The following GRM7 variants were observed in gnomAD, a reference collection of about 807,000 sequenced individuals.
The protein encoded by GRM7 is metabotropic glutamate receptor 7.
GRM7 carries 35 observed loss-of-function variants against 84.5 expected under a neutral mutation model. The ratio of observed to expected loss-of-function variants is 0.41; its 90% CI spans 0.32 to 0.55. The LOEUF is 0.55. Among genes scored for constraint, GRM7 ranks in the 20% least tolerant of loss-of-function variants. The pLI is 0.19. For missense variants in GRM7, 1,003 were observed against 1,194.6 expected (o/e 0.84, Z 2.36); for synonymous variants, 487 against 455.1 (o/e 1.07, Z -0.89).
chr3:7,568,484 G>A (rs764916067), intron 7 of GRM7, among the ~76,000 whole-genome samples: 11 of 152,334 alleles, frequency 7.2e-5, no homozygotes, highest in East Asian at 5.8e-4. Context: ...CGGCCTTGGC[G>A]CCCACTCTGG....
chr3:7,647,729 ATCAACAG>A (rs1019783656), intron 8 of GRM7, among the ~76,000 whole-genome samples: 8 of 152,152 alleles, frequency 5.3e-5, no homozygotes, highest in African/African-American at 1.9e-4. Flanking sequence ...TGGATTTGGA[ATCAACAG>A]TCAACAGACA....
chr3:7,153,922 G>C (rs1031454897), intron 2 of GRM7, among the ~76,000 whole-genome samples: 2 of 152,144 alleles, frequency 1.3e-5, no homozygotes, highest in African/African-American at 4.8e-5. Flanking sequence ...AAAGAAGGTA[G>C]ATCTTAACTA....
At chr3:7,240,423 G>C (rs1697514659) in intron 2 of GRM7, among the ~76,000 whole-genome samples, 1 of 151,480 alleles carries the variant, frequency 6.6e-6, no homozygotes, top group Non-Finnish European at 1.5e-5. Context: ...TTAACCAAAT[G>C]ACTTACGGTT....
At chr3:6,888,858 C>T (rs1214333788) in intron 1 of GRM7, among the ~76,000 whole-genome samples, 3 of 152,116 alleles carry the variant, frequency 2.0e-5, no homozygotes, top group African/African-American at 7.2e-5. Context: ...TTCTTCCTAC[C>T]CATGAGCATG....
intron 7 of GRM7, among the ~76,000 whole-genome samples, chr3:7,483,349 G>T (rs961931767): frequency 1.3e-5 from 2 of 152,206 alleles, no homozygotes; most frequent in African/African-American, 2.4e-5. Context: ...CATGACGGTT[G>T]ATTTGACATG....
At chr3:7,037,993 GT>G (rs1202387657) in intron 1 of GRM7, among the ~76,000 whole-genome samples, 1 of 152,064 alleles carries the variant, frequency 6.6e-6, no homozygotes, top group Non-Finnish European at 1.5e-5. Flanking sequence ...TAAAGAGGTA[GT>G]TTTTTTCTTC....
intron 7 of GRM7, among the ~76,000 whole-genome samples, chr3:7,507,865 A>G (rs1413532327): frequency 6.6e-6 from 1 of 152,210 alleles, no homozygotes; most frequent in Non-Finnish European, 1.5e-5. Context: ...GTCTGAAAAT[A>G]TATACAAGTT....
chr3:6,939,259 G>A (rs1697804434), intron 1 of GRM7, among the ~76,000 whole-genome samples: 1 of 152,044 alleles, frequency 6.6e-6, no homozygotes, highest in Admixed American at 6.6e-5. Context: ...ATATCCAGTT[G>A]TACTCCCTCC....
intron 8 of GRM7, among the ~76,000 whole-genome samples, chr3:7,666,106 G>A (rs951763411): frequency 6.6e-6 from 1 of 152,130 alleles, no homozygotes; most frequent in African/African-American, 2.4e-5. Context: ...AAAAGAGCAG[G>A]CTGCTCTTAG....
intron 7 of GRM7, among the ~76,000 whole-genome samples, chr3:7,532,156 C>T (rs1165176416): frequency 6.6e-6 from 1 of 152,098 alleles, no homozygotes; most frequent in South Asian, 2.1e-4. Flanking sequence ...GGAGGAGTCC[C>T]TCTTTTTCTG....
intron 1 of GRM7, among the ~76,000 whole-genome samples, chr3:7,047,676 C>T (rs1481650714): frequency 1.3e-5 from 2 of 152,014 alleles, no homozygotes; most frequent in East Asian, 3.9e-4. Context: ...AGGAATGTTC[C>T]AGTGTCCTGG....
intron 7 of GRM7, among the ~76,000 whole-genome samples, chr3:7,517,056 G>A (rs1211175943): frequency 1.3e-5 from 2 of 152,094 alleles, no homozygotes; most frequent in African/African-American, 2.4e-5. Context: ...GCAGGGCTAT[G>A]GCATGCTTTC....
intron 7 of GRM7, among the ~76,000 whole-genome samples, chr3:7,531,186 A>G (rs774355469): frequency 2.0e-5 from 3 of 152,168 alleles, no homozygotes; most frequent in Non-Finnish European, 4.4e-5. Context: ...TCCCAACACC[A>G]TTTATTAAAC....
At chr3:7,382,765 T>C (rs1694640176) in intron 4 of GRM7, among the ~76,000 whole-genome samples, 1 of 152,232 alleles carries the variant, frequency 6.6e-6, no homozygotes, top group African/African-American at 2.4e-5. Context: ...TTGAAGAAAG[T>C]TGGGCAAACT....
intron 1 of GRM7, among the ~76,000 whole-genome samples, chr3:6,910,816 G>T (rs1696742363): frequency 6.6e-6 from 1 of 152,150 alleles, no homozygotes; most frequent in African/African-American, 2.4e-5. Context: ...TGACAAAGAA[G>T]AGCAATGTTT....
intron 1 of GRM7, among the ~76,000 whole-genome samples, chr3:6,920,960 A>T (rs1260015620): frequency 1.3e-5 from 2 of 152,214 alleles, no homozygotes; most frequent in Non-Finnish European, 2.9e-5. Context: ...GATTATCAGA[A>T]CCTTAGAGAA....
rs73811615 is a variant in GRM7 at position 7,145,135 on chromosome 3, G to A, written c.520-1317G>A. On this transcript the variant is annotated intron_variant, in intron 1 of 9. Coordinates refer to ENST00000357716, the MANE Select transcript of GRM7 (RefSeq NM_000844.4). ...ATAGTGAGTAGAGTTTTCAGGGCTC[G>A]AGGAATCAACTTGAGCGTGGCTTTA... Among the ~76,000 whole-genome samples the A allele has an allele frequency of 5.3e-5, 8 of 152,188 alleles. No individual in the cohort carries two copies. In the South Asian group the frequency reaches 6.2e-4, roughly 12 times the overall value.
At chr3:7,239,148 T>C (rs1017391443) in intron 2 of GRM7, among the ~76,000 whole-genome samples, 4 of 151,912 alleles carry the variant, frequency 2.6e-5, no homozygotes. Context: ...TACAGGCATG[T>C]GTCACCATTT....
intron 2 of GRM7, among the ~76,000 whole-genome samples, chr3:7,238,158 C>T (rs1216556334): frequency 1.3e-5 from 2 of 152,188 alleles, no homozygotes; most frequent in African/African-American, 4.8e-5. Context: ...CTAAATAGCA[C>T]TTCTCATTAC....
Sources: gnomAD v4.1 joint callset for allele counts (sites outside exome capture counted in the v4.1 genomes callset) on GRCh38, gnomAD v4.1.1 for gene constraint, MANE v1.5 for transcripts, NCBI Gene and HGNC (gene_info 2026-07-23, HGNC 2026-07-21) for gene names.